CFAP161: variants seen among roughly 807,000 people sequenced by gnomAD.
CFAP161 encodes cilia- and flagella-associated protein 161.
CFAP161 carries 25 observed loss-of-function variants against 29.0 expected under a neutral mutation model. The observed-to-expected ratio is 0.86, with a 90% confidence interval of 0.63 to 1.20. The LOEUF (loss-of-function observed/expected upper bound fraction) is 1.20. Among genes scored for constraint, CFAP161 ranks in the 50% most tolerant of loss-of-function variants. CFAP161 has a pLI of 0.00. For missense variants in CFAP161, 367 were observed against 371.9 expected (o/e 0.99, Z 0.11); for synonymous variants, 116 against 137.4 (o/e 0.84, Z 1.09).
At chr15:81,102,341 C>T (rs1273899078) in intron 1 of CFAP161, among the ~76,000 whole-genome samples, 1 of 152,048 alleles carries the variant, frequency 6.6e-6, no homozygotes, top group East Asian at 1.9e-4. Context: ...GGGAGGTGAT[C>T]TATGCAGAGT....
At chr15:81,124,900 A>G (rs146818568) in intron 1 of CFAP161, among the ~76,000 whole-genome samples, 84 of 152,186 alleles carry the variant, frequency 5.5e-4, no homozygotes, top group African/African-American at 2.0e-3. Flanking sequence ...TTTTTAATGT[A>G]TATTAATAGA....
At chr15:81,148,296 G>T in intron 6 of CFAP161, 42 bp from the exon 7 acceptor site, 2 of 1,542,448 alleles carry the variant, frequency 1.3e-6, no homozygotes, top group Non-Finnish European at 1.8e-6. Context: ...ATTGAGAGTT[G>T]TTATTCAATT....
chr15:81,117,679 C>A, intron 1 of CFAP161: 1 of 284,630 alleles, frequency 3.5e-6, no homozygotes. Context: ...CTGTTTTCAC[C>A]TTTTCCGCTT....
chr15:81,106,457 A>G (rs560098181), intron 1 of CFAP161, among the ~76,000 whole-genome samples: 1,524 of 152,252 alleles, frequency 0.01, 29 homozygotes, highest in African/African-American at 0.035. Context: ...GGCATGAGCC[A>G]CCGTGCCCGG....
At chr15:81,118,245 T>C in intron 1 of CFAP161, 1 of 504,876 alleles carries the variant, frequency 2.0e-6, no homozygotes, top group Non-Finnish European at 3.7e-6. Flanking sequence ...AACCTACATT[T>C]ATTAAACGGA....
chr15:81,118,451 A>C (rs2141867177), intron 1 of CFAP161: 1 of 189,966 alleles, frequency 5.3e-6, no homozygotes, highest in East Asian at 1.7e-4. Context: ...ACCTGAGGGC[A>C]CGAAACCCGG....
chr15:81,143,620 A>G, intron 4 of CFAP161, 42 bp from the exon 5 acceptor site: 1 of 1,573,254 alleles, frequency 6.4e-7, no homozygotes, highest in Non-Finnish European at 8.7e-7. Flanking sequence ...CCAGCTTTTC[A>G]CAGAGCTCTG....
In CFAP161 at chr15:81,136,726, A is replaced by G. The variant is rs1475992463; in HGVS notation, c.370A>G (p.Arg124Gly). The G allele has an allele frequency of 6.2e-7, 1 of 1,613,794 alleles. No homozygotes were observed. The highest frequency in any genetic ancestry group is 8.5e-7 in the Non-Finnish European group (1 of 1,179,714). ...SAVQAKTPIG[R>G]NTFIILSVHR... The stretch of plus-strand genomic sequence containing the variant: ...AGTTCAAGCCAAGACCCCAATTGGC[A>G]GAAACACTTTTATCATTTTGAGGTA... Residue 124 changes from arginine (R) to glycine (G), a missense_variant, in exon 3 of 7, where the codon AGA (arginine) becomes GGA (glycine). Arg to Gly is a moderately radical substitution (Grantham distance 125, BLOSUM62 -2). Coordinates refer to ENST00000286732, the MANE Select transcript of CFAP161 (RefSeq NM_173528.4).
intron 1 of CFAP161, among the ~76,000 whole-genome samples, chr15:81,123,772 T>G (rs1233261476): frequency 6.6e-6 from 1 of 152,198 alleles, no homozygotes; most frequent in African/African-American, 2.4e-5. Flanking sequence ...TTAGCTGTAT[T>G]CCTAAGTATT....
At chr15:81,122,806 TC>T (rs1894592069) in intron 1 of CFAP161, among the ~76,000 whole-genome samples, 1 of 152,132 alleles carries the variant, frequency 6.6e-6, no homozygotes. Flanking sequence ...TTGATTTTTT[TC>T]ATATGATTGT....
chr15:81,141,401 C>T (rs1040273262), intron 4 of CFAP161, among the ~76,000 whole-genome samples: 1 of 152,080 alleles, frequency 6.6e-6, no homozygotes, highest in African/African-American at 2.4e-5. Flanking sequence ...TTTTTATATT[C>T]ACCTTTGATG....
intron 5 of CFAP161, among the ~76,000 whole-genome samples, chr15:81,144,621 G>GAATA (rs1894974855): frequency 6.6e-6 from 1 of 151,472 alleles, no homozygotes; most frequent in Non-Finnish European, 1.5e-5. Context: ...ATGAATAAAT[G>GAATA]AATAAATAAA....
intron 1 of CFAP161, among the ~76,000 whole-genome samples, chr15:81,111,734 T>C (rs553753134): frequency 6.6e-6 from 1 of 152,274 alleles, no homozygotes; most frequent in Admixed American, 6.5e-5. Context: ...TCATCCTCCT[T>C]CCTCTGCCTG....
At chr15:81,115,621 T>A (rs1894488012) in intron 1 of CFAP161, among the ~76,000 whole-genome samples, 1 of 152,080 alleles carries the variant, frequency 6.6e-6, no homozygotes, top group South Asian at 2.1e-4. Context: ...AAAGTAAAAA[T>A]TAATAATTAT....
intron 1 of CFAP161, among the ~76,000 whole-genome samples, chr15:81,116,852 T>A (rs1894505345): frequency 6.6e-6 from 1 of 152,180 alleles, no homozygotes; most frequent in African/African-American, 2.4e-5. Context: ...TTAGGAGAAT[T>A]CAGGGTCTAG....
chr15:81,123,708 T>C (rs1894604486), intron 1 of CFAP161, among the ~76,000 whole-genome samples: 1 of 152,198 alleles, frequency 6.6e-6, no homozygotes, highest in African/African-American at 2.4e-5. Flanking sequence ...TCATCTCTGA[T>C]TTTTTTGAGC....
chr15:81,112,298 T>C (rs894563904), intron 1 of CFAP161, among the ~76,000 whole-genome samples: 2 of 152,160 alleles, frequency 1.3e-5, no homozygotes, highest in Admixed American at 1.3e-4. Context: ...CCTGTATTTA[T>C]CTTTCCTAAT....
upstream of CFAP161, among the ~76,000 whole-genome samples, chr15:81,129,574 C>T (rs975250646): frequency 1.2e-4 from 19 of 152,244 alleles, no homozygotes; most frequent in Non-Finnish European, 2.4e-4. Context: ...CCACTGGGTC[C>T]CTCCCACAAC....
intron 1 of CFAP161, among the ~76,000 whole-genome samples, chr15:81,119,985 G>A (rs1452019456): frequency 6.6e-6 from 1 of 152,166 alleles, no homozygotes. Flanking sequence ...CTCAAAAGCA[G>A]TACAGAAAGT....
Sources: allele counts gnomAD v4.1 joint callset (sites outside exome capture counted in the v4.1 genomes callset), GRCh38; gene constraint gnomAD v4.1.1; transcripts MANE v1.5; gene names NCBI Gene and HGNC (gene_info 2026-07-23, HGNC 2026-07-21).